The following KALRN variants were observed in gnomAD, a reference collection of about 807,000 sequenced individuals.
The protein encoded by KALRN is kalirin RhoGEF kinase, also known as kalirin.
A neutral mutation model predicts 353.7 loss-of-function variants in KALRN; 70 were observed. The ratio of observed to expected loss-of-function variants is 0.20; its 90% CI spans 0.16 to 0.24. The LOEUF is 0.24. Ranked by LOEUF, KALRN falls within the 10% of genes least tolerant of loss-of-function variation. The probability of loss-of-function intolerance (pLI) is 1.00; values close to 1 mark genes in which losing one functional copy is unlikely to be tolerated. For missense variants in KALRN, 2,791 were observed against 3,756.7 expected (o/e 0.74, Z 6.72); for synonymous variants, 1,391 against 1,434.8 (o/e 0.97, Z 0.69).
intron 34 of KALRN, among the ~76,000 whole-genome samples, chr3:124,577,523 A>G (rs1276690088): frequency 6.6e-6 from 1 of 152,150 alleles, no homozygotes; most frequent in Non-Finnish European, 1.5e-5. Flanking sequence ...TTTTCTGTAC[A>G]CCTTACTGTT....
chr3:124,244,098 AT>A (rs2080830359), intron 3 of KALRN, among the ~76,000 whole-genome samples: 1 of 152,196 alleles, frequency 6.6e-6, no homozygotes, highest in African/African-American at 2.4e-5. Context: ...TTTGGCCTAT[AT>A]TTTTAAATTA....
intron 1 of KALRN, among the ~76,000 whole-genome samples, chr3:124,065,759 C>A (rs2042303466): frequency 1.3e-5 from 2 of 152,010 alleles, no homozygotes; most frequent in Admixed American, 1.3e-4. Flanking sequence ...ATAAAGGTTC[C>A]TACTGCACAG....
intron 34 of KALRN, among the ~76,000 whole-genome samples, chr3:124,595,778 C>G (rs2076210499): frequency 6.6e-6 from 1 of 152,154 alleles, no homozygotes; most frequent in South Asian, 2.1e-4. Flanking sequence ...TTTCATGTCT[C>G]TCCTGTTTAC....
At chr3:124,468,804 C>T (rs1239259985) in intron 25 of KALRN, among the ~76,000 whole-genome samples, 2 of 152,134 alleles carry the variant, frequency 1.3e-5, no homozygotes, top group African/African-American at 4.8e-5. Context: ...TCTTTGGTCC[C>T]CAAACGCACA....
At chr3:124,642,766 T>C (rs2082175668) in intron 37 of KALRN, among the ~76,000 whole-genome samples, 2 of 147,218 alleles carry the variant, frequency 1.4e-5, no homozygotes, top group African/African-American at 5.0e-5. Flanking sequence ...AGGGACTGGG[T>C]TCTTCTAGCA....
At chr3:124,538,842 T>G (rs922584901) in intron 33 of KALRN, among the ~76,000 whole-genome samples, 1 of 152,232 alleles carries the variant, frequency 6.6e-6, no homozygotes, top group Non-Finnish European at 1.5e-5. Context: ...AACTTAAGAA[T>G]GCTTTTCGAT....
intron 1 of KALRN, among the ~76,000 whole-genome samples, chr3:124,196,960 C>T (rs2075498669): frequency 6.6e-6 from 1 of 152,178 alleles, no homozygotes; most frequent in Admixed American, 6.5e-5. Context: ...AAGTAATTTT[C>T]TAAAAGTCAC....
intron 1 of KALRN, among the ~76,000 whole-genome samples, chr3:124,047,725 G>A (rs1037169185): frequency 5.5e-4 from 83 of 150,306 alleles, no homozygotes; most frequent in Non-Finnish European, 1.1e-3. Flanking sequence ...GGATGGTCTC[G>A]ATTTCCTGAC....
intron 1 of KALRN, among the ~76,000 whole-genome samples, chr3:124,081,191 C>G: frequency 6.6e-6 from 1 of 152,192 alleles, no homozygotes; most frequent in East Asian, 1.9e-4. Context: ...GAAATGAGAA[C>G]GGCACACGTT....
At chr3:124,036,565 G>A (rs1475629849) in intron 1 of KALRN, among the ~76,000 whole-genome samples, 1 of 151,898 alleles carries the variant, frequency 6.6e-6, no homozygotes, top group Admixed American at 6.6e-5. Context: ...GCTTAGAAAA[G>A]CCATGTTTCT....
chr3:124,217,871 T>C (rs1429804243), intron 1 of KALRN, among the ~76,000 whole-genome samples: 1 of 152,248 alleles, frequency 6.6e-6, no homozygotes, highest in Non-Finnish European at 1.5e-5. Flanking sequence ...TGGTCCTGGT[T>C]GTTCCATGTA....
At chr3:124,696,616 C>T (rs553008338) in intron 54 of KALRN, among the ~76,000 whole-genome samples, 98 of 152,280 alleles carry the variant, frequency 6.4e-4, no homozygotes, top group African/African-American at 1.9e-3. Context: ...CCAAGGCTAA[C>T]GCAATCCTCC....
At chr3:124,684,254 C>T (rs1559845055) in intron 51 of KALRN, among the ~76,000 whole-genome samples, 1 of 152,088 alleles carries the variant, frequency 6.6e-6, no homozygotes, top group African/African-American at 2.4e-5. Flanking sequence ...ATTCCCCCAC[C>T]TACACCATCC....
At chr3:124,435,166 T>C (rs1354862313) in intron 17 of KALRN, among the ~76,000 whole-genome samples, 1 of 152,250 alleles carries the variant, frequency 6.6e-6, no homozygotes. Context: ...CAATGCCTCC[T>C]ATGAAGGTTG....
chr3:124,472,913 C>A (rs7639231), intron 25 of KALRN, among the ~76,000 whole-genome samples: 37,749 of 152,002 alleles, frequency 0.25, 6,483 homozygotes, highest in East Asian at 0.58. Context: ...CTAAAATCAC[C>A]TATGTAAGGA....
At chr3:124,557,418 T>A (rs1208732208) in intron 33 of KALRN, among the ~76,000 whole-genome samples, 1 of 152,212 alleles carries the variant, frequency 6.6e-6, no homozygotes, top group Admixed American at 6.5e-5. Context: ...TTTGAGGTGT[T>A]TCATGTTAAG....
At chr3:124,201,643 G>A (rs2075955585) in intron 1 of KALRN, among the ~76,000 whole-genome samples, 1 of 152,222 alleles carries the variant, frequency 6.6e-6, no homozygotes, top group East Asian at 1.9e-4. Flanking sequence ...GTTGATGGAT[G>A]TGATCTCCAT....
At chr3:124,043,027 C>A (rs756630517) in intron 1 of KALRN, among the ~76,000 whole-genome samples, 1 of 152,122 alleles carries the variant, frequency 6.6e-6, no homozygotes, top group African/African-American at 2.4e-5. Flanking sequence ...GGAGGAGAAC[C>A]AGGAGAGAGC....
At chr3:124,083,175 C>T (rs1373282890) in intron 1 of KALRN, among the ~76,000 whole-genome samples, 2 of 152,326 alleles carry the variant, frequency 1.3e-5, no homozygotes, top group Admixed American at 6.5e-5. Context: ...GAAAGCTGCC[C>T]TTCATCTATT....
Sources: allele counts gnomAD v4.1 joint callset (sites outside exome capture counted in the v4.1 genomes callset), GRCh38; gene constraint gnomAD v4.1.1; transcripts MANE v1.5; gene names NCBI Gene and HGNC (gene_info 2026-07-23, HGNC 2026-07-21).